Variants in CEP112 observed in about 807,000 individuals in gnomAD.
CEP112 encodes centrosomal protein 112.
CEP112 carries 127 observed loss-of-function variants against 153.0 expected under a neutral mutation model. That is an observed-to-expected ratio of 0.83 (90% confidence interval 0.72 to 0.96). The LOEUF is 0.96. Among genes scored for constraint, CEP112 ranks in the 40% least tolerant of loss-of-function variants. The pLI is 0.00. For synonymous variants in CEP112, 358 were observed against 374.4 expected (o/e 0.96, Z 0.51); for missense variants, 1,089 against 1,101.2 (o/e 0.99, Z 0.16).
chr17:66,060,517 G>T (rs116521639), intron 11 of CEP112, among the ~76,000 whole-genome samples: 1 of 151,980 alleles, frequency 6.6e-6, no homozygotes, highest in Non-Finnish European at 1.5e-5. Context: ...CTTCAAACTT[G>T]TAGTAACTAA....
intron 12 of CEP112, among the ~76,000 whole-genome samples, chr17:66,031,897 G>A (rs993621248): frequency 7.2e-5 from 11 of 152,296 alleles, no homozygotes; most frequent in Middle Eastern, 3.4e-3. Flanking sequence ...ATGGGGCAAG[G>A]AAACAAAGGC....
chr17:66,148,944 T>C (rs550407017), intron 4 of CEP112, among the ~76,000 whole-genome samples: 3 of 152,196 alleles, frequency 2.0e-5, no homozygotes, highest in Non-Finnish European at 4.4e-5. Context: ...TCTTTCACTA[T>C]AAGAATAATG....
chr17:65,882,038 A>C (rs1187164258), intron 20 of CEP112, among the ~76,000 whole-genome samples: 3 of 152,248 alleles, frequency 2.0e-5, no homozygotes, highest in Non-Finnish European at 2.9e-5. Flanking sequence ...GGGAGAAATT[A>C]TATGGAAGTA....
intron 12 of CEP112, among the ~76,000 whole-genome samples, chr17:66,044,362 A>G (rs968822187): frequency 4.6e-5 from 7 of 152,116 alleles, no homozygotes; most frequent in African/African-American, 1.4e-4. Context: ...AATGTATTTT[A>G]GATTTAAATT....
At chr17:65,749,690 C>T (rs1171812645) in intron 22 of CEP112, among the ~76,000 whole-genome samples, 1 of 148,278 alleles carries the variant, frequency 6.7e-6, no homozygotes, top group Non-Finnish European at 1.5e-5. Context: ...AAAAATGGCA[C>T]CAGTAATAGT....
At chr17:65,906,890 C>T (rs372224242) in intron 19 of CEP112, among the ~76,000 whole-genome samples, 14 of 152,146 alleles carry the variant, frequency 9.2e-5, no homozygotes, top group South Asian at 4.2e-4. Flanking sequence ...CAGCGTTATA[C>T]CAACAAGGAT....
chr17:65,729,944 CA>C (rs2050408061), intron 23 of CEP112, among the ~76,000 whole-genome samples: 4 of 133,466 alleles, frequency 3.0e-5, no homozygotes, highest in Non-Finnish European at 6.9e-5. Context: ...AACAAACAAA[CA>C]AACAGAAAAA....
intron 24 of CEP112, among the ~76,000 whole-genome samples, chr17:65,672,810 A>G (rs1380008788): frequency 6.6e-6 from 1 of 152,220 alleles, no homozygotes; most frequent in Non-Finnish European, 1.5e-5. Context: ...ATTCACACAC[A>G]TATCAAAAAT....
chr17:66,160,795 TA>T (rs1236585722), intron 4 of CEP112, among the ~76,000 whole-genome samples: 2 of 152,084 alleles, frequency 1.3e-5, no homozygotes, highest in East Asian at 3.8e-4. Flanking sequence ...GCTTCATGAT[TA>T]AAACACCAAA....
intron 24 of CEP112, among the ~76,000 whole-genome samples, chr17:65,643,581 G>A (rs547503706): frequency 2.4e-4 from 36 of 152,098 alleles, no homozygotes; most frequent in African/African-American, 6.5e-4. Flanking sequence ...GATTACAGGC[G>A]TGAGCCATGA....
At chr17:65,732,359 G>A (rs1022903640) in intron 23 of CEP112, among the ~76,000 whole-genome samples, 1 of 152,192 alleles carries the variant, frequency 6.6e-6, no homozygotes, top group Non-Finnish European at 1.5e-5. Flanking sequence ...TGTAAACCAA[G>A]CTGCAGTGCA....
intron 21 of CEP112, among the ~76,000 whole-genome samples, chr17:65,754,773 G>A (rs568988410): frequency 1.3e-5 from 2 of 152,216 alleles, no homozygotes; most frequent in South Asian, 2.1e-4. Flanking sequence ...TAAGGAATTC[G>A]GCTTTTAAGA....
At position 65,969,838 on chromosome 17, in the gene CEP112, AT is replaced by A. The variant is rs1273539276; in HGVS notation, c.1737-8241del. Among the ~76,000 whole-genome samples the A allele has an allele frequency of 4.7e-4, 26 of 55,208 alleles. 1 individual carries two copies. The East Asian group carries it at 0.15, about 315-fold the overall frequency. 36.2% of individuals were successfully genotyped at this position (55,208 alleles called of 152,430 possible). A position where few individuals can be genotyped will look rare whatever the true frequency, so the allele number is the denominator to read the frequency against. ...CCTGCATACATATTACAAGCATATC[AT>A]CTATATATAGCATGCATGCAAATTA... is the stretch of plus-strand genomic sequence containing the variant. On this transcript the variant is annotated intron_variant, in intron 17 of 26. Coordinates refer to ENST00000535342, the MANE Select transcript of CEP112 (RefSeq NM_001199165.4).
chr17:66,155,585 G>A (rs2071404400), intron 4 of CEP112, among the ~76,000 whole-genome samples: 1 of 151,996 alleles, frequency 6.6e-6, no homozygotes, highest in South Asian at 2.1e-4. Context: ...AAGCCAGGGA[G>A]CCAAGTGGTC....
chr17:65,894,622 C>T (rs1000436370), intron 20 of CEP112, among the ~76,000 whole-genome samples: 4 of 151,994 alleles, frequency 2.6e-5, no homozygotes, highest in Non-Finnish European at 5.9e-5. Context: ...AGATCATAAA[C>T]CATTCACAAA....
At chr17:65,827,596 A>T (rs572749847) in intron 21 of CEP112, among the ~76,000 whole-genome samples, 6 of 152,132 alleles carry the variant, frequency 3.9e-5, no homozygotes, top group Non-Finnish European at 5.9e-5. Flanking sequence ...CCTAAGTCAG[A>T]TCATGTCCCT....
rs151337764 is a variant in CEP112 at position 65,795,329 on chromosome 17, C to T, written c.2395-44605G>A. On this transcript the variant is annotated intron_variant, in intron 21 of 26. Coordinates refer to ENST00000535342, the MANE Select transcript of CEP112 (RefSeq NM_001199165.4). ...ATTCTTACTAGGTGCCAAGGCTTTG[C>T]ATAATTACTTCACCAATTACAATTC... 7.9e-3 allele frequency among the ~76,000 whole-genome samples: 1,209 copies of T among 152,268 alleles called. 11 individuals carry two copies. Among genetic ancestry groups the T allele is most frequent in the South Asian group, 0.02 (95 of 4,824 alleles).
chr17:65,835,127 G>T (rs1292664931), intron 21 of CEP112, among the ~76,000 whole-genome samples: 1 of 149,352 alleles, frequency 6.7e-6, no homozygotes, highest in African/African-American at 2.5e-5. Context: ...TCACTTGTAA[G>T]TAGTAGCTAA....
Position 65,863,628 on chromosome 17 carries a change from G to A in CEP112, c.2164-11594C>T, listed in dbSNP as rs562049681. On this transcript the variant is annotated intron_variant, in intron 20 of 26. Transcript: ENST00000535342. Reference sequence around the variant, plus strand: ...AAAAAAATTAGCCGGGTGCAGTGGCGGGTGCCTGTAGTCCCAGCTACTCGG... The same window carrying A: ...AAAAAAATTAGCCGGGTGCAGTGGCAGGTGCCTGTAGTCCCAGCTACTCGG... Among the ~76,000 whole-genome samples, 123 of 150,994 alleles carry A rather than the reference G, an allele frequency of 8.1e-4. 1 individual carries two copies. The highest frequency in any genetic ancestry group is 2.9e-3 in the African/African-American group (121 of 41,222).
Sources: allele counts gnomAD v4.1 joint callset (sites outside exome capture counted in the v4.1 genomes callset), GRCh38; gene constraint gnomAD v4.1.1; transcripts MANE v1.5; gene names NCBI Gene and HGNC (gene_info 2026-07-23, HGNC 2026-07-21).